HMBOX1: variants seen among roughly 807,000 people sequenced by gnomAD.
The protein encoded by HMBOX1 is homeobox containing 1.
Under a neutral mutation model 54.5 loss-of-function variants are expected in HMBOX1, and 14 were observed. The observed-to-expected ratio is 0.26, with a 90% CI of 0.17 to 0.40. HMBOX1 has a LOEUF of 0.40. Ranked by LOEUF, HMBOX1 falls within the 10% of genes least tolerant of loss-of-function variation. The pLI is 1.00. For missense variants in HMBOX1, 332 were observed against 514.4 expected (o/e 0.65, Z 3.43); for synonymous variants, 160 against 181.0 (o/e 0.88, Z 0.93).
At chr8:29,036,970 A>G (rs1367823945) in intron 6 of HMBOX1, among the ~76,000 whole-genome samples, 4 of 152,188 alleles carry the variant, frequency 2.6e-5, no homozygotes, top group Non-Finnish European at 4.4e-5. Flanking sequence ...TTCCATAGGC[A>G]TTTGTAAATT....
intron 6 of HMBOX1, among the ~76,000 whole-genome samples, chr8:29,035,046 T>G (rs531628611): frequency 1.6e-4 from 24 of 152,172 alleles, no homozygotes; most frequent in Non-Finnish European, 3.1e-4. Flanking sequence ...CAGAGATATA[T>G]CAAGATAATC....
At chr8:28,892,744 A>T (rs1348424784) in intron 1 of HMBOX1, among the ~76,000 whole-genome samples, 1 of 152,194 alleles carries the variant, frequency 6.6e-6, no homozygotes, top group Non-Finnish European at 1.5e-5. Context: ...AATAGAAAAA[A>T]AAATGTGATT....
intron 1 of HMBOX1, among the ~76,000 whole-genome samples, chr8:28,930,625 T>A (rs1819324178): frequency 6.6e-6 from 1 of 152,188 alleles, no homozygotes; most frequent in Non-Finnish European, 1.5e-5. Flanking sequence ...ATCAAACCAG[T>A]CTAATCAGTA....
At chr8:29,011,918 T>G (rs1247975923) in intron 5 of HMBOX1, among the ~76,000 whole-genome samples, 1 of 152,198 alleles carries the variant, frequency 6.6e-6, no homozygotes, top group Non-Finnish European at 1.5e-5. Flanking sequence ...TTATATGCAT[T>G]TGTTTTTCAG....
chr8:29,015,160 C>A (rs1834816315), intron 5 of HMBOX1, among the ~76,000 whole-genome samples: 1 of 152,136 alleles, frequency 6.6e-6, no homozygotes, highest in African/African-American at 2.4e-5. Flanking sequence ...AATAATAAAC[C>A]CCAATACCAA....
At chr8:28,962,724 C>G (rs1214579194) in intron 1 of HMBOX1, among the ~76,000 whole-genome samples, 1 of 152,190 alleles carries the variant, frequency 6.6e-6, no homozygotes, top group Non-Finnish European at 1.5e-5. Context: ...AGCCAGATTT[C>G]ACTCTAAGAA....
intron 1 of HMBOX1, among the ~76,000 whole-genome samples, chr8:28,896,082 C>T (rs2131511816): frequency 6.6e-6 from 1 of 152,318 alleles, no homozygotes; most frequent in South Asian, 2.1e-4. Flanking sequence ...CAGTTACTAG[C>T]TATGTGACCT....
intron 1 of HMBOX1, among the ~76,000 whole-genome samples, chr8:28,895,891 A>C (rs146000604): frequency 2.0e-5 from 3 of 152,040 alleles, no homozygotes; most frequent in Admixed American, 2.0e-4. Flanking sequence ...CTCTTAACTA[A>C]TCTTGTTTGA....
chr8:28,932,928 C>A (rs1410862403), intron 1 of HMBOX1, among the ~76,000 whole-genome samples: 5 of 152,152 alleles, frequency 3.3e-5, no homozygotes. Flanking sequence ...AGATCATTTT[C>A]TTTACATGGT....
intron 9 of HMBOX1, among the ~76,000 whole-genome samples, chr8:29,049,774 C>T (rs1473637973): frequency 6.6e-6 from 1 of 152,152 alleles, no homozygotes; most frequent in African/African-American, 2.4e-5. Flanking sequence ...ATTTAAATTT[C>T]CATTTGGAAT....
chr8:28,906,756 A>C (rs981339609), intron 1 of HMBOX1, among the ~76,000 whole-genome samples: 1 of 151,920 alleles, frequency 6.6e-6, no homozygotes, highest in African/African-American at 2.4e-5. Flanking sequence ...CACCCAGCTA[A>C]TTTTTTGTAT....
chr8:28,979,432 A>G (rs1464684901), intron 3 of HMBOX1, among the ~76,000 whole-genome samples: 2 of 152,238 alleles, frequency 1.3e-5, no homozygotes, highest in East Asian at 3.8e-4. Context: ...AAGTATTCTT[A>G]TATATAATAC....
chr8:28,980,149 G>C lies in HMBOX1; in HGVS notation c.579G>C (p.Gln193His). 1 of 1,611,630 alleles carries C rather than the reference G, an allele frequency of 6.2e-7. No individual in the cohort carries two copies. The highest frequency in any genetic ancestry group is 8.5e-7 in the Non-Finnish European group (1 of 1,177,778). Residue 193 changes from glutamine to histidine, a missense_variant, in exon 4 of 10, where the codon CAG becomes CAC. Gln to His is a conservative substitution (Grantham distance 24, BLOSUM62 0). Transcript: ENST00000287701. ...GGATTTCCCAAGCAGTTGTTGCACA[G>C]GTAACAGGTAAGAGCTGAAGAGCCC... ...NRRISQAVVA[Q>H]VTGISQSRIS...
intron 1 of HMBOX1, among the ~76,000 whole-genome samples, chr8:28,927,436 G>A (rs572714317): frequency 1.4e-4 from 21 of 152,244 alleles, no homozygotes; most frequent in South Asian, 4.1e-4. Flanking sequence ...TGACACCAGC[G>A]TCTGCATCTG....
chr8:28,939,677 T>G (rs1821016745), intron 1 of HMBOX1, among the ~76,000 whole-genome samples: 2 of 151,850 alleles, frequency 1.3e-5, no homozygotes. Context: ...GCCTGACTAA[T>G]TTTTGTGTTT....
At chr8:29,026,370 G>T (rs1037961917) in intron 6 of HMBOX1, among the ~76,000 whole-genome samples, 1 of 152,090 alleles carries the variant, frequency 6.6e-6, no homozygotes, top group African/African-American at 2.4e-5. Context: ...TAGGGGTGTT[G>T]GGTGGGGGAT....
intron 1 of HMBOX1, among the ~76,000 whole-genome samples, chr8:28,906,393 C>A (rs1377036299): frequency 6.6e-6 from 1 of 152,048 alleles, no homozygotes; most frequent in Admixed American, 6.5e-5. Context: ...AATTCCTTCC[C>A]TCCAGGCTTA....
chr8:29,022,417 CAAG>C (rs1303497972), intron 6 of HMBOX1, among the ~76,000 whole-genome samples: 2 of 151,890 alleles, frequency 1.3e-5, no homozygotes, highest in Non-Finnish European at 2.9e-5. Flanking sequence ...GACCCTATCT[CAAG>C]AAGAAAAAGA....
Position 28,946,306 on chromosome 8 carries a change from T to C in HMBOX1, c.-57-17505T>C, listed in dbSNP as rs966437109. On this transcript the variant is annotated intron_variant, in intron 1 of 9. Transcript: ENST00000287701. The stretch of plus-strand genomic sequence containing the variant: ...TTGCCCAGGCGTGGTGGGTGGCTCA[T>C]GCCTGAAATCCTAGCACTTTGGGAG... Among the ~76,000 whole-genome samples, 2 of 151,848 alleles carry C rather than the reference T, an allele frequency of 1.3e-5. 1 individual carries two copies. The highest frequency in any genetic ancestry group is 4.2e-4 in the South Asian group (2 of 4,768).
Sources: allele counts gnomAD v4.1 joint callset (sites outside exome capture counted in the v4.1 genomes callset), GRCh38; gene constraint gnomAD v4.1.1; transcripts MANE v1.5; gene names NCBI Gene and HGNC (gene_info 2026-07-23, HGNC 2026-07-21).